Variants in TMOD2 observed in about 807,000 individuals in gnomAD.
The protein encoded by TMOD2 is tropomodulin-2.
TMOD2 carries 22 observed loss-of-function variants against 39.9 expected under a neutral mutation model. The ratio of observed to expected loss-of-function variants is 0.55; its 90% CI spans 0.39 to 0.79. The LOEUF is 0.79. Among genes scored for constraint, TMOD2 ranks in the 30% least tolerant of loss-of-function variants. The pLI, the probability that TMOD2 is intolerant of heterozygous loss-of-function variation, is 0.00. For missense variants in TMOD2, 386 were observed against 413.3 expected (o/e 0.93, Z 0.57); for synonymous variants, 123 against 146.1 (o/e 0.84, Z 1.14).
chr15:51,752,371 A>T (rs1477588991), intron 1 of TMOD2: 1 of 152,216 alleles, frequency 6.6e-6, no homozygotes, highest in Non-Finnish European at 1.5e-5. Context: ...TTAAAACAGT[A>T]ATAAAAGGCT....
In TMOD2 at chr15:51,782,777, C is replaced by T. The variant is rs748565663; in HGVS notation, c.681C>T (p.His227=). The T allele has an allele frequency of 2.1e-5, 34 of 1,613,940 alleles. No individual in the cohort carries two copies. The highest frequency in any genetic ancestry group is 4.4e-5 in the South Asian group (4 of 91,088). Residue 227 remains histidine (H), a synonymous_variant, in exon 7 of 10, where the codon CAC becomes CAT. Transcript: ENST00000249700. The part of the protein sequence containing the change: ...EFAKALETNT[H]VKKFSLAATR... ...CAAAGGCTCTGGAGACCAACACTCA[C>T]GTGAAGAAGTTCAGCCTGGCCGCAA...
intron 4 of TMOD2, among the ~76,000 whole-genome samples, chr15:51,774,290 A>G (rs1349523971): frequency 1.3e-5 from 2 of 152,214 alleles, no homozygotes; most frequent in African/African-American, 2.4e-5. Context: ...AATAATTATT[A>G]TTATTTAAAA....
In TMOD2 at chr15:51,782,753, A is replaced by G; in HGVS notation, c.657A>G (p.Ala219=). 1 of 1,614,066 alleles carries G rather than the reference A, an allele frequency of 6.2e-7. No individual in the cohort carries two copies. The highest frequency in any genetic ancestry group is 8.5e-7 in the Non-Finnish European group (1 of 1,179,898). ...NIPIPTLREF[A]KALETNTHVK... ...CAATTCCAACCCTGAGGGAATTTGC[A>G]AAGGCTCTGGAGACCAACACTCACG... Residue 219 remains alanine (A), a synonymous_variant, in exon 7 of 10, where the codon GCA becomes GCG. Coordinates refer to ENST00000249700, the MANE Select transcript of TMOD2 (RefSeq NM_014548.4).
At chr15:51,790,808 T>G (rs2056005843) in intron 7 of TMOD2, among the ~76,000 whole-genome samples, 1 of 152,194 alleles carries the variant, frequency 6.6e-6, no homozygotes, top group Non-Finnish European at 1.5e-5. Flanking sequence ...TCAACAGCCT[T>G]TCATGCTAAA....
At chr15:51,761,718 T>C (rs1399910751) in intron 1 of TMOD2, among the ~76,000 whole-genome samples, 1 of 151,292 alleles carries the variant, frequency 6.6e-6, no homozygotes, top group Non-Finnish European at 1.5e-5. Context: ...AATGAGACCC[T>C]GTCTTTAAAA....
At chr15:51,806,274 T>C in intron 8 of TMOD2, 103 bp from the exon 9 acceptor site, 2 of 1,355,928 alleles carry the variant, frequency 1.5e-6, no homozygotes, top group Non-Finnish European at 2.0e-6. Context: ...CCTTTGCCTC[T>C]TTGCCTTTTT....
At position 51,810,446 on chromosome 15, in the gene TMOD2, C is replaced by T. The variant is rs1257522437; in HGVS notation, c.*1992C>T. ...TATGCTACTGAACGTATCCTCTCAACTCCATGTTCACTACCTTCTTGTTAC... is the reference window on the plus strand; with the variant it reads ...TATGCTACTGAACGTATCCTCTCAATTCCATGTTCACTACCTTCTTGTTAC... On this transcript the variant is annotated 3_prime_UTR_variant, in exon 10 of 10. Coordinates refer to ENST00000249700, the MANE Select transcript of TMOD2 (RefSeq NM_014548.4). 1 of 152,132 alleles carries T rather than the reference C, an allele frequency of 6.6e-6. No homozygotes were observed. Among genetic ancestry groups the T allele is most frequent in the Non-Finnish European group, 1.5e-5 (1 of 68,024 alleles). 9.4% of individuals were successfully genotyped at this position (152,132 alleles called of 1,614,324 possible). A position where few individuals can be genotyped will look rare whatever the true frequency, so the allele number is the denominator to read the frequency against.
intron 7 of TMOD2, among the ~76,000 whole-genome samples, chr15:51,795,573 G>GCTTTCTTTCTTT (rs1491199891): frequency 8.8e-5 from 3 of 33,932 alleles, no homozygotes; most frequent in East Asian, 6.0e-4. Context: ...CTGCTTGCTT[G>GCTTTCTTTCTTT]CTTGCTTTCT....
At chr15:51,769,202 A>G (rs1401953232) in intron 3 of TMOD2, among the ~76,000 whole-genome samples, 4 of 152,170 alleles carry the variant, frequency 2.6e-5, no homozygotes, top group Non-Finnish European at 4.4e-5. Context: ...AACCCCAAAG[A>G]AAGTTTTGAA....
intron 8 of TMOD2, among the ~76,000 whole-genome samples, 191 bp from the exon 9 acceptor site, chr15:51,806,186 T>G (rs2056120209): frequency 6.6e-6 from 1 of 152,242 alleles, no homozygotes; most frequent in Non-Finnish European, 1.5e-5. Context: ...TGTTGGATTT[T>G]GCTTCTAGAC....
intron 1 of TMOD2, among the ~76,000 whole-genome samples, 198 bp downstream of exon 1, chr15:51,751,910 AC>A (rs2055706618): frequency 6.9e-6 from 1 of 144,114 alleles, no homozygotes; most frequent in Admixed American, 6.8e-5. Context: ...GCGCCGGGAG[AC>A]CAGGCGCTGC....
chr15:51,781,823 A>ATGT (rs1555462044), intron 6 of TMOD2, among the ~76,000 whole-genome samples: 2 of 149,390 alleles, frequency 1.3e-5, no homozygotes, highest in Non-Finnish European at 3.0e-5. Context: ...AGAGAGAGAG[A>ATGT]GTGTGTGTGT....
At chr15:51,775,229 C>T (rs938618746) in intron 4 of TMOD2, among the ~76,000 whole-genome samples, 2 of 152,192 alleles carry the variant, frequency 1.3e-5, no homozygotes, top group African/African-American at 4.8e-5. Context: ...TGCAAAACAG[C>T]ACCTCTTACA....
chr15:51,784,374 G>C (rs1373985326), intron 7 of TMOD2: 4 of 152,226 alleles, frequency 2.6e-5, no homozygotes, highest in African/African-American at 9.6e-5. Flanking sequence ...ATGTCTTTTG[G>C]AAGATCTAAA....
rs746294320 is a variant in TMOD2, at chr15:51,776,999, T to C, written c.474T>C (p.Gly158=). The C allele has an allele frequency of 6.2e-7, 1 of 1,613,824 alleles. No homozygotes were observed. Among genetic ancestry groups the C allele is most frequent in the Admixed American group, 1.7e-5 (1 of 60,014 alleles). Residue 158 remains glycine, a synonymous_variant, in exon 5 of 10, where the codon GGT becomes GGC. Coordinates refer to ENST00000249700, the MANE Select transcript of TMOD2 (RefSeq NM_014548.4). ...ATGAAGAAACAGCCAACAATAAAGG[T>C]GGCAAAGGACCTGTCAGAAGTAAGT... The part of the protein sequence containing the change: ...KFDEETANNK[G]GKGPVRNVVK...
chr15:51,775,518 C>T (rs868742804), intron 4 of TMOD2, among the ~76,000 whole-genome samples: 1 of 151,270 alleles, frequency 6.6e-6, no homozygotes, highest in Non-Finnish European at 1.5e-5. Flanking sequence ...AAATGGGACA[C>T]CTTCTCCTTC....
intron 7 of TMOD2, among the ~76,000 whole-genome samples, chr15:51,785,457 G>GTA: frequency 6.7e-6 from 1 of 149,722 alleles, no homozygotes; most frequent in Admixed American, 6.6e-5. Flanking sequence ...AGAAAATGTG[G>GTA]TATATATATG....
At chr15:51,773,938 G>T in intron 4 of TMOD2, 104 bp downstream of exon 4, 1 of 1,284,688 alleles carries the variant, frequency 7.8e-7, no homozygotes, top group East Asian at 2.4e-5. Flanking sequence ...GTAGGAGAAT[G>T]ACAGGTTGAC....
chr15:51,758,284 G>A (rs2141611959), intron 1 of TMOD2, among the ~76,000 whole-genome samples: 1 of 152,158 alleles, frequency 6.6e-6, no homozygotes, highest in East Asian at 1.9e-4. Flanking sequence ...TTTTCCTACT[G>A]AAGTATGACA....
Sources: allele counts gnomAD v4.1 joint callset (sites outside exome capture counted in the v4.1 genomes callset), GRCh38; gene constraint gnomAD v4.1.1; transcripts MANE v1.5; gene names NCBI Gene and HGNC (gene_info 2026-07-23, HGNC 2026-07-21).